KLHDC8A: variants seen among roughly 807,000 people sequenced by gnomAD.
KLHDC8A encodes kelch domain containing 8A, also known as kelch domain-containing protein 8A.
KLHDC8A carries 21 observed loss-of-function variants against 33.1 expected under a neutral mutation model. That is an observed-to-expected ratio of 0.64 (90% CI 0.45 to 0.91). The LOEUF is 0.91. KLHDC8A is among the 40% of genes least tolerant of loss of function. KLHDC8A has a pLI of 0.00. For synonymous variants in KLHDC8A, 173 were observed against 193.5 expected, an observed-to-expected ratio of 0.89 and a Z score of 0.88; for missense variants, 435 against 483.3, an observed-to-expected ratio of 0.90 and a Z score of 0.94.
At chr1:205,338,727 G>C (rs1662704159) in intron 4 of KLHDC8A, 131 bp from the exon 5 acceptor site, 4 of 681,936 alleles carry the variant, frequency 5.9e-6, no homozygotes, top group Admixed American at 2.6e-5. Context: ...TTTATGCTTG[G>C]GGAGTACACA....
At position 205,339,795 on chromosome 1, in the gene KLHDC8A, A is replaced by G; in HGVS notation, c.390T>C (p.Tyr130=). The change falls in exon 3 of 6, where the codon TAT becomes TAC. Residue 130 remains tyrosine (Y), a synonymous_variant. Coordinates refer to ENST00000367155, the MANE Select transcript of KLHDC8A (RefSeq NM_018203.3). The surrounding 1 kb of genome is among the most constrained non-coding windows in gnomAD (Gnocchi z 5.1). ...ISVTAKDYRV[Y]AAGGMGLDLR... ...GGTCCAGGCCCATCCCGCCTGCCGC[A>G]TATACTCGGTAATCTAAGAAGAAAG... The G allele has an allele frequency of 1.2e-6, 2 of 1,613,962 alleles. No individual in the cohort carries two copies. The highest frequency in any genetic ancestry group is 1.7e-6 in the Non-Finnish European group (2 of 1,179,970).
chr1:205,343,167 TGTTTCCCTCCTG>T, intron 2 of KLHDC8A, 50 bp downstream of exon 2: 1 of 1,524,898 alleles, frequency 6.6e-7, no homozygotes, highest in Non-Finnish European at 8.8e-7. Context: ...GGTTTCCATC[TGTTTCCCTCCTG>T]GCCCCCCACT....
rs1662742691 is a variant in KLHDC8A at position 205,339,789 on chromosome 1, T to G, written c.396A>C (p.Ala132=). The G allele has an allele frequency of 6.2e-7, 1 of 1,613,974 alleles. No homozygotes were observed. The highest frequency in any genetic ancestry group is 8.5e-7 in the Non-Finnish European group (1 of 1,179,960). ...VTAKDYRVYA[A]GGMGLDLRPH... ...GACGTAGGTCCAGGCCCATCCCGCC[T>G]GCCGCATATACTCGGTAATCTAAGA... Residue 132 remains alanine, a synonymous_variant, in exon 3 of 6, where the codon GCA becomes GCC. Coordinates refer to ENST00000367155, the MANE Select transcript of KLHDC8A (RefSeq NM_018203.3). This position sits in a 1 kb window ranked among gnomAD's most constrained non-coding sequence, Gnocchi z 5.1.
chr1:205,346,859 A>G (rs927857875), intron 1 of KLHDC8A, among the ~76,000 whole-genome samples: 25 of 152,222 alleles, frequency 1.6e-4, no homozygotes, highest in Admixed American at 1.6e-3. Context: ...CAGGCCACCA[A>G]GGAGATTCCA....
rs1178299830 is a variant in KLHDC8A at position 205,341,738 on chromosome 1, C to T, written c.376+1491G>A. 2.0e-5 allele frequency among the ~76,000 whole-genome samples: 3 copies of T among 152,230 alleles called. No individual in the cohort carries two copies. The East Asian group carries it at 5.8e-4, about 29-fold the overall frequency. ...CGATCTCGGCTCACTGCAAGCTCTG[C>T]CTCCCAGGTTCACGCCATTCTCCTG... On this transcript the variant is annotated intron_variant, in intron 2 of 5. Transcript: ENST00000367155.
intron 1 of KLHDC8A, among the ~76,000 whole-genome samples, chr1:205,351,915 G>A (rs1663122572): frequency 7.1e-6 from 1 of 141,060 alleles, no homozygotes; most frequent in Admixed American, 6.9e-5. Flanking sequence ...GCGAAACTCC[G>A]TCTCAAAAAA....
intron 2 of KLHDC8A, among the ~76,000 whole-genome samples, chr1:205,342,502 G>A (rs10751433): frequency 0.32 from 48,633 of 152,096 alleles, 8,501 homozygotes; most frequent in East Asian, 0.49. Flanking sequence ...TGGGGACAGA[G>A]CAGGTGCTCA....
chr1:205,340,086 T>A (rs1366067953), intron 2 of KLHDC8A, among the ~76,000 whole-genome samples: 2 of 151,998 alleles, frequency 1.3e-5, no homozygotes, highest in African/African-American at 4.8e-5. Flanking sequence ...ATAATCATGG[T>A]TCACTGCAAC....
At chr1:205,342,415 T>C (rs2102283934) in intron 2 of KLHDC8A, among the ~76,000 whole-genome samples, 1 of 152,310 alleles carries the variant, frequency 6.6e-6, no homozygotes, top group South Asian at 2.1e-4. Context: ...TTACTTTCAT[T>C]GGTCAGATCC....
intron 1 of KLHDC8A, among the ~76,000 whole-genome samples, chr1:205,352,484 C>A (rs1265401305): frequency 3.3e-5 from 5 of 152,206 alleles, no homozygotes; most frequent in African/African-American, 1.2e-4. Flanking sequence ...TCATCCAGTG[C>A]TTTGCTTTCA....
intron 1 of KLHDC8A, among the ~76,000 whole-genome samples, chr1:205,355,751 G>A (rs531588972): frequency 6.6e-6 from 1 of 152,272 alleles, no homozygotes; most frequent in East Asian, 1.9e-4. Context: ...AGCCAGAACA[G>A]GGATGTGACA....
At chr1:205,341,503 C>T (rs996852212) in intron 2 of KLHDC8A, among the ~76,000 whole-genome samples, 1 of 152,196 alleles carries the variant, frequency 6.6e-6, no homozygotes, top group Non-Finnish European at 1.5e-5. Context: ...CTCCTCACTA[C>T]TGTTTTTGTG....
At chr1:205,343,177 C>G in intron 2 of KLHDC8A, 52 bp downstream of exon 2, 1 of 1,532,856 alleles carries the variant, frequency 6.5e-7, no homozygotes, top group Non-Finnish European at 8.8e-7. Context: ...TGTTTCCCTC[C>G]TGGCCCCCCA....
At position 205,343,394 on chromosome 1, in the gene KLHDC8A, C is replaced by T. The variant is rs774601392; in HGVS notation, c.211G>A (p.Gly71Arg). 6.2e-7 allele frequency: 1 copy of T among 1,613,328 alleles called. No homozygotes were observed. Among genetic ancestry groups the T allele is most frequent in the East Asian group, 2.2e-5 (1 of 44,852 alleles). The stretch of plus-strand genomic sequence containing the variant: ...TTCCCCAGGGCGGTGACGGCCACCC[C>T]CGCCCGGGCTGTGGGCAGCCGGGGC... ...ALPRLPTARA[G>R]VAVTALGKRI... Residue 71 changes from glycine (G) to arginine (R), a missense_variant, in exon 2 of 6, where the codon GGG (glycine) becomes AGG (arginine). Gly to Arg is a moderately radical substitution (Grantham distance 125, BLOSUM62 -2). Coordinates refer to ENST00000367155, the MANE Select transcript of KLHDC8A (RefSeq NM_018203.3).
chr1:205,356,665 A>AGGTCCCCAG lies in KLHDC8A; in HGVS notation c.-331_-323dup. The AGGTCCCCAG allele has an allele frequency of 2.2e-6, 1 of 449,442 alleles. No homozygotes were observed. The highest frequency in any genetic ancestry group is 1.6e-5 in the South Asian group (1 of 63,488). The allele number at this position is 449,442 out of a possible 1,614,324, so 27.8% of individuals were successfully genotyped here. On this transcript the variant is annotated 5_prime_UTR_variant, in exon 1 of 6. Transcript: ENST00000367155. The stretch of plus-strand genomic sequence containing the variant: ...GAGCTGGCTGGGAATAGAGTCGGCA[A>AGGTCCCCAG]GGTCCCCAGGGTCCCCAGGGCTTCC...
In KLHDC8A at chr1:205,343,860, G is replaced by A. The variant is rs1228416979; in HGVS notation, c.-189-67C>T. ...GCGCCCTCCGGCGGGCAGCGGATGGGCTCCGCAGCCCCTGGTCAACTTCAC... is the reference window on the plus strand; with the variant it reads ...GCGCCCTCCGGCGGGCAGCGGATGGACTCCGCAGCCCCTGGTCAACTTCAC... On this transcript the variant is annotated intron_variant, in intron 1 of 5. Transcript: ENST00000367155. 2.5e-5 allele frequency: 12 copies of A among 479,118 alleles called. 1 individual carries two copies. Among genetic ancestry groups the A allele is most frequent in the Non-Finnish European group, 4.4e-5 (12 of 272,574 alleles). 29.7% of individuals were successfully genotyped at this position (479,118 alleles called of 1,614,324 possible).
chr1:205,353,826 A>G (rs1445171523), intron 1 of KLHDC8A, among the ~76,000 whole-genome samples: 2 of 152,262 alleles, frequency 1.3e-5, no homozygotes, highest in Admixed American at 6.5e-5. Context: ...TACTCTGTTT[A>G]TCACATAATC....
chr1:205,344,687 T>C (rs1478409455), intron 1 of KLHDC8A, among the ~76,000 whole-genome samples: 22 of 152,150 alleles, frequency 1.4e-4, no homozygotes, highest in Admixed American at 1.4e-3. Context: ...TGAAAACAAC[T>C]TATGTGGGTG....
chr1:205,349,077 A>G (rs997023276), intron 1 of KLHDC8A, among the ~76,000 whole-genome samples: 7 of 152,192 alleles, frequency 4.6e-5, no homozygotes, highest in Non-Finnish European at 1.5e-5. Flanking sequence ...AAGCCTCATT[A>G]GGGCCTCCTC....
Sources: allele counts gnomAD v4.1 joint callset (sites outside exome capture counted in the v4.1 genomes callset), GRCh38; gene constraint gnomAD v4.1.1; non-coding constraint Gnocchi (gnomAD v3.1); transcripts MANE v1.5; gene names NCBI Gene and HGNC (gene_info 2026-07-23, HGNC 2026-07-21).